The following NFIB variants were observed in gnomAD, a reference collection of about 807,000 sequenced individuals.
The protein encoded by NFIB is nuclear factor I B, also known as nuclear factor 1 B-type.
Under a neutral mutation model 61.5 loss-of-function variants are expected in NFIB, and 11 were observed. The observed-to-expected ratio is 0.18, with a 90% CI of 0.11 to 0.30. The LOEUF is 0.30. Among genes scored for constraint, NFIB ranks in the 10% least tolerant of loss-of-function variants. The pLI, the probability that NFIB is intolerant of heterozygous loss-of-function variation, is 1.00. For synonymous variants in NFIB, 260 were observed against 216.5 expected (o/e 1.20, Z -1.76); for missense variants, 471 against 608.9 (o/e 0.77, Z 2.38).
chr9:14,163,103 A>G (rs1034485024), intron 3 of NFIB, among the ~76,000 whole-genome samples: 2 of 152,072 alleles, frequency 1.3e-5, no homozygotes, highest in Admixed American at 1.3e-4. Context: ...CTATGAGTAG[A>G]TGCAAAAATT....
intron 1 of NFIB, among the ~76,000 whole-genome samples, chr9:14,335,867 G>A (rs913738796): frequency 1.3e-5 from 2 of 152,118 alleles, no homozygotes; most frequent in African/African-American, 2.4e-5. Flanking sequence ...CAAGGTATGA[G>A]TCAAAATTCA....
the NFIB span, among the ~76,000 whole-genome samples, chr9:14,435,220 G>A: frequency 6.6e-6 from 1 of 152,196 alleles, no homozygotes; most frequent in Non-Finnish European, 1.5e-5. Flanking sequence ...AAGTTCACCT[G>A]TGGCAAGAGG....
the NFIB span, among the ~76,000 whole-genome samples, chr9:14,416,988 G>A: frequency 9.3e-5 from 14 of 149,986 alleles, no homozygotes; most frequent in African/African-American, 3.3e-4. Context: ...CGCCTCTCGG[G>A]TTCAAGCGAT....
chr9:14,209,733 A>G (rs2050116339), intron 2 of NFIB, among the ~76,000 whole-genome samples: 1 of 152,236 alleles, frequency 6.6e-6, no homozygotes, highest in Non-Finnish European at 1.5e-5. Context: ...TAATTTACTT[A>G]AAAGTGGAGG....
At chr9:14,191,516 A>T (rs2047946128) in intron 2 of NFIB, among the ~76,000 whole-genome samples, 1 of 152,168 alleles carries the variant, frequency 6.6e-6, no homozygotes, top group Admixed American at 6.6e-5. Context: ...ATACTGGTGC[A>T]GAGCTATGTA....
intron 2 of NFIB, among the ~76,000 whole-genome samples, chr9:14,258,480 C>A (rs2056440634): frequency 6.6e-6 from 1 of 152,212 alleles, no homozygotes; most frequent in African/African-American, 2.4e-5. Context: ...ATAGAACTAT[C>A]TTATAAACTT....
At chr9:14,138,078 G>A (rs971511448) in intron 6 of NFIB, among the ~76,000 whole-genome samples, 4 of 152,124 alleles carry the variant, frequency 2.6e-5, no homozygotes, top group Admixed American at 6.6e-5. Context: ...AAGAGAGCCA[G>A]GGGTTCCCAT....
intron 6 of NFIB, among the ~76,000 whole-genome samples, chr9:14,131,811 G>A (rs1442648926): frequency 6.6e-6 from 1 of 152,140 alleles, no homozygotes; most frequent in Admixed American, 6.5e-5. Context: ...CGGGATAAAT[G>A]TCACATGGCA....
intron 10 of NFIB, among the ~76,000 whole-genome samples, chr9:14,107,220 C>G (rs1321033903): frequency 6.6e-6 from 1 of 151,516 alleles, no homozygotes; most frequent in Admixed American, 6.6e-5. Flanking sequence ...TAAATGGTCT[C>G]TGGATGAATA....
At chr9:14,484,373 A>ACCATT in the NFIB span, among the ~76,000 whole-genome samples, 4 of 152,206 alleles carry the variant, frequency 2.6e-5, 1 homozygote, top group Non-Finnish European at 5.9e-5. Context: ...TGAGAGCCAA[A>ACCATT]TGGTACAGAT....
chr9:14,476,356 T>C, the NFIB span, among the ~76,000 whole-genome samples: 1 of 152,028 alleles, frequency 6.6e-6, no homozygotes, highest in African/African-American at 2.4e-5. Flanking sequence ...GCCTGTCAGA[T>C]AATGGGGAGT....
chr9:14,121,842 C>A (rs2038981098), intron 7 of NFIB, among the ~76,000 whole-genome samples: 1 of 152,028 alleles, frequency 6.6e-6, no homozygotes, highest in South Asian at 2.1e-4. Flanking sequence ...AACTTCTCAA[C>A]ATTAGTATTC....
At chr9:14,215,303 C>A (rs2050737678) in intron 2 of NFIB, among the ~76,000 whole-genome samples, 1 of 150,334 alleles carries the variant, frequency 6.7e-6, no homozygotes, top group Admixed American at 6.6e-5. Flanking sequence ...AAAAATGTAA[C>A]CTCTGGTATA....
chr9:14,214,990 G>A (rs1051803809), intron 2 of NFIB, among the ~76,000 whole-genome samples: 25 of 152,278 alleles, frequency 1.6e-4, no homozygotes, highest in African/African-American at 5.5e-4. Context: ...TGGGAGCAAC[G>A]GCCAAAGGAG....
the NFIB span, among the ~76,000 whole-genome samples, chr9:14,451,594 C>T: frequency 6.6e-6 from 1 of 152,194 alleles, no homozygotes; most frequent in Non-Finnish European, 1.5e-5. Flanking sequence ...ACAATAGTTT[C>T]TAAGCATCAT....
intron 10 of NFIB, 49 bp from the exon 11 acceptor site, chr9:14,088,375 A>G: frequency 6.8e-7 from 1 of 1,470,686 alleles, no homozygotes; most frequent in South Asian, 1.4e-5. Context: ...AGAAAAAAAT[A>G]CAATGTTAAA....
At chr9:14,490,603 T>TAAAA in the NFIB span, among the ~76,000 whole-genome samples, 1 of 151,686 alleles carries the variant, frequency 6.6e-6, no homozygotes, top group East Asian at 1.9e-4. Flanking sequence ...CACAACTCAA[T>TAAAA]AAAAAAAGAC....
intron 2 of NFIB, among the ~76,000 whole-genome samples, chr9:14,291,539 C>G (rs1410499755): frequency 6.6e-6 from 1 of 151,960 alleles, no homozygotes; most frequent in African/African-American, 2.4e-5. Flanking sequence ...TTAAATTCCC[C>G]TTGTAAATTT....
chr9:14,513,618 A>C, the NFIB span, among the ~76,000 whole-genome samples: 1 of 138,480 alleles, frequency 7.2e-6, no homozygotes, highest in Non-Finnish European at 1.6e-5. Context: ...ACAGAGCGAG[A>C]CTCCATCTCA....
Sources: gnomAD v4.1 joint callset for allele counts (sites outside exome capture counted in the v4.1 genomes callset) on GRCh38, gnomAD v4.1.1 for gene constraint, MANE v1.5 for transcripts, NCBI Gene and HGNC (gene_info 2026-07-23, HGNC 2026-07-21) for gene names.